Variants in PLA2G6 observed in about 807,000 individuals in gnomAD.
PLA2G6 encodes the protein 85/88 kDa calcium-independent phospholipase A2.
Under a neutral mutation model 83.8 loss-of-function variants are expected in PLA2G6, and 62 were observed. The observed-to-expected ratio is 0.74, with a 90% confidence interval of 0.60 to 0.91. The LOEUF (loss-of-function observed/expected upper bound fraction) is 0.91. Among genes scored for constraint, PLA2G6 ranks in the 40% least tolerant of loss-of-function variants. PLA2G6 has a pLI of 0.00. For missense variants in PLA2G6, 944 were observed against 1,102.0 expected, an observed-to-expected ratio of 0.86 and a Z score of 2.03; for synonymous variants, 417 against 449.8, an observed-to-expected ratio of 0.93 and a Z score of 0.92.
intron 11 of PLA2G6, among the ~76,000 whole-genome samples, chr22:38,122,355 G>C (rs2087573310): frequency 6.6e-6 from 1 of 152,176 alleles, no homozygotes; most frequent in Non-Finnish European, 1.5e-5. Context: ...GGGGGTTGGG[G>C]GGAGCTGAGG....
intron 2 of PLA2G6, among the ~76,000 whole-genome samples, chr22:38,151,089 T>C (rs1270550627): frequency 3.9e-5 from 6 of 151,974 alleles, no homozygotes; most frequent in African/African-American, 1.2e-4. Flanking sequence ...TAAATGCCAA[T>C]GAGAATTCTG....
At chr22:38,156,267 T>C (rs2089773814) in intron 2 of PLA2G6, among the ~76,000 whole-genome samples, 1 of 152,098 alleles carries the variant, frequency 6.6e-6, no homozygotes, top group South Asian at 2.1e-4. Flanking sequence ...AGACAGTTCA[T>C]CCAGACAGAA....
chr22:38,122,614 C>G (rs1031512426), intron 11 of PLA2G6, among the ~76,000 whole-genome samples: 1 of 152,322 alleles, frequency 6.6e-6, no homozygotes, highest in African/African-American at 2.4e-5. Flanking sequence ...CATCCCTCCC[C>G]ACCTGGGAAC....
chr22:38,158,713 T>C (rs1437213961), intron 2 of PLA2G6, among the ~76,000 whole-genome samples: 1 of 152,212 alleles, frequency 6.6e-6, no homozygotes, highest in Non-Finnish European at 1.5e-5. Context: ...ATAGGTGTTC[T>C]TGAAAAGAAT....
intron 15 of PLA2G6, chr22:38,112,840 G>A (rs2086963172): frequency 1.7e-6 from 1 of 585,708 alleles, no homozygotes; most frequent in Admixed American, 3.0e-5. Context: ...TAGCGGCTGA[G>A]TCGACAGGCC....
intron 1 of PLA2G6, among the ~76,000 whole-genome samples, chr22:38,180,870 C>T (rs994112441): frequency 4.8e-5 from 7 of 145,710 alleles, no homozygotes; most frequent in Non-Finnish European, 8.9e-5. Flanking sequence ...CTAACAAAAA[C>T]AATGCATTCA....
intron 2 of PLA2G6, among the ~76,000 whole-genome samples, chr22:38,150,907 T>C (rs921620974): frequency 2.0e-5 from 3 of 152,154 alleles, no homozygotes; most frequent in Non-Finnish European, 2.9e-5. Flanking sequence ...GGCAACACGG[T>C]GAAACCCCGT....
chr22:38,168,084 T>G (rs1160966713), intron 2 of PLA2G6: 1 of 165,776 alleles, frequency 6.0e-6, no homozygotes, highest in South Asian at 2.0e-4. Flanking sequence ...TCCTAGGCTC[T>G]CCCTCTGTCA....
chr22:38,147,671 C>A, intron 2 of PLA2G6: 1 of 153,558 alleles, frequency 6.5e-6, no homozygotes, highest in East Asian at 1.9e-4. Context: ...CCTGCTTCAG[C>A]CTCCCTAGTA....
chr22:38,127,518 A>C, intron 9 of PLA2G6: 2 of 1,103,542 alleles, frequency 1.8e-6, no homozygotes, highest in Middle Eastern at 2.3e-4. Context: ...GGGGAGAGAG[A>C]GGTGGAGCCA....
At chr22:38,146,011 T>A in intron 2 of PLA2G6, 6 of 319,694 alleles carry the variant, frequency 1.9e-5, no homozygotes, top group South Asian at 1.7e-4. Flanking sequence ...TAGCTGGGAT[T>A]ACAGGCATGC....
chr22:38,126,508 C>A (rs1302697790), intron 9 of PLA2G6, 59 bp from the exon 10 acceptor site: 1 of 1,315,252 alleles, frequency 7.6e-7, no homozygotes, highest in African/African-American at 1.4e-5. Flanking sequence ...CCTGCTACCC[C>A]AGAGGTCCCT....
In PLA2G6 at chr22:38,126,270, G is replaced by C. The variant is rs751073395; in HGVS notation, c.1427+101C>G. ...GGAGCAGAGCCACTTCGCCGGCTGT[G>C]AGGGTGCAGAGAGTAAAGCCCTGAG... On this transcript the variant is annotated intron_variant, in intron 10 of 16. Coordinates refer to ENST00000332509, the MANE Select transcript of PLA2G6 (RefSeq NM_003560.4). 4.6e-6 allele frequency: 4 copies of C among 872,314 alleles called. No individual in the cohort carries two copies. In the African/African-American group the frequency reaches 6.6e-5, roughly 14 times the overall value. The allele number at this position is 872,314 out of a possible 1,614,324, so 54.0% of individuals were successfully genotyped here. A position where few individuals can be genotyped will look rare whatever the true frequency, so the allele number is the denominator to read the frequency against.
intron 2 of PLA2G6, among the ~76,000 whole-genome samples, chr22:38,157,864 G>A (rs553328563): frequency 5.3e-5 from 8 of 151,990 alleles, no homozygotes; most frequent in African/African-American, 9.6e-5. Flanking sequence ...GTGAAACCCC[G>A]TCTCTACTAA....
intron 7 of PLA2G6, 40 bp from the exon 8 acceptor site, chr22:38,129,602 G>A (rs535278511): frequency 6.6e-7 from 1 of 1,513,616 alleles, no homozygotes; most frequent in Non-Finnish European, 9.2e-7. Flanking sequence ...GCAACTGCCG[G>A]GGAAGTGAAG....
chr22:38,112,632 C>T, intron 15 of PLA2G6, 55 bp from the exon 16 acceptor site: 2 of 1,431,566 alleles, frequency 1.4e-6, no homozygotes, highest in Non-Finnish European at 1.9e-6. Context: ...CGGCCCGCAC[C>T]CCGCCCGGCC....
In PLA2G6 at chr22:38,140,045, C is replaced by T. The variant is rs776469475; in HGVS notation, c.734G>A (p.Arg245Gln). The T allele has an allele frequency of 6.2e-6, 10 of 1,613,208 alleles. No homozygotes were observed. Among genetic ancestry groups the T allele is most frequent in the East Asian group, 4.5e-5 (2 of 44,880 alleles). ...MVRVLLLCNA[R>Q]CNIMGPNGYP... is the part of the protein sequence containing the mutation. ...GCCGTTGGGGCCCATGATGTTGCAC[C>T]GAGCATTGCACAGCAGCAGCACGCG... is the stretch of plus-strand genomic sequence containing the variant. Residue 245 changes from arginine (R) to glutamine (Q), a missense_variant, in exon 5 of 17, where the codon CGG (arginine) becomes CAG (glutamine). Arg to Gln is a conservative substitution (Grantham distance 43). Transcript: ENST00000332509.
intron 14 of PLA2G6, among the ~76,000 whole-genome samples, chr22:38,114,536 G>T (rs2087071921): frequency 1.3e-5 from 2 of 152,200 alleles, no homozygotes; most frequent in South Asian, 4.1e-4. Flanking sequence ...TTTGCTGGAT[G>T]ATCTTGGGTG....
intron 15 of PLA2G6, chr22:38,112,843 G>A (rs773998357): frequency 2.2e-5 from 13 of 583,344 alleles, no homozygotes; most frequent in African/African-American, 3.7e-5. Flanking sequence ...CGGCTGAGTC[G>A]ACAGGCCTCC....
Sources: allele counts gnomAD v4.1 joint callset (sites outside exome capture counted in the v4.1 genomes callset), GRCh38; gene constraint gnomAD v4.1.1; transcripts MANE v1.5; gene names NCBI Gene and HGNC (gene_info 2026-07-23, HGNC 2026-07-21).